Variants in ZNF536 observed in about 807,000 individuals in gnomAD.
ZNF536 encodes zinc finger protein 536.
A neutral mutation model predicts 84.5 loss-of-function variants in ZNF536; 13 were observed. The observed-to-expected ratio is 0.15, with a 90% CI of 0.10 to 0.24. The LOEUF (loss-of-function observed/expected upper bound fraction) is 0.24, where lower values mean the gene tolerates loss of function less well. Ranked by LOEUF, ZNF536 falls within the 10% of genes least tolerant of loss-of-function variation. The probability of loss-of-function intolerance (pLI) is 1.00; values close to 1 mark genes in which losing one functional copy is unlikely to be tolerated. For synonymous variants in ZNF536, 811 were observed against 742.5 expected (o/e 1.09, Z -1.50); for missense variants, 1,536 against 1,747.5 (o/e 0.88, Z 2.16).
At chr19:30,640,976 G>A (rs2147334961) in intron 1 of ZNF536, among the ~76,000 whole-genome samples, 1 of 152,282 alleles carries the variant, frequency 6.6e-6, no homozygotes, top group South Asian at 2.1e-4. Flanking sequence ...AAAACCCTAT[G>A]CAGCTGTACA....
intron 2 of ZNF536, among the ~76,000 whole-genome samples, chr19:30,496,092 C>T (rs975824243): frequency 2.6e-5 from 4 of 152,120 alleles, no homozygotes; most frequent in African/African-American, 9.7e-5. Flanking sequence ...ACTCTCCGGG[C>T]GTTCCTGGGG....
chr19:30,617,058 C>A (rs2048321361), intron 1 of ZNF536, among the ~76,000 whole-genome samples: 1 of 151,926 alleles, frequency 6.6e-6, no homozygotes, highest in African/African-American at 2.4e-5. Context: ...TCCTCGTTTT[C>A]TATATTGTGA....
At position 30,439,957 on chromosome 19, in the gene ZNF536, TTC is replaced by T. The variant is rs1204489243; in HGVS notation, c.-2-3602_-2-3601del. ...CTTTCTTTCTTTTCTTTTTCTTTCT[TTC>T]TTTTTTTTTTTTTTTTTTTTTGACA... On this transcript the variant is annotated intron_variant, in intron 1 of 4. Coordinates refer to ENST00000355537, the MANE Select transcript of ZNF536 (RefSeq NM_014717.3). Among the ~76,000 whole-genome samples, 56 of 127,100 alleles carry T rather than the reference TTC, an allele frequency of 4.4e-4. 1 individual carries two copies. The highest frequency in any genetic ancestry group is 1.6e-3 in the African/African-American group (56 of 34,340). 83.4% of individuals were successfully genotyped at this position (127,100 alleles called of 152,430 possible).
At chr19:30,312,501 G>C (rs991740720) in intron 2 of ZNF536, among the ~76,000 whole-genome samples, 2 of 152,144 alleles carry the variant, frequency 1.3e-5, no homozygotes, top group African/African-American at 4.8e-5. Context: ...CTTTTTTCTA[G>C]TTAAGTCAGA....
chr19:30,447,282 A>C (rs893177923), intron 2 of ZNF536, among the ~76,000 whole-genome samples: 2 of 152,154 alleles, frequency 1.3e-5, no homozygotes, highest in Non-Finnish European at 2.9e-5. Context: ...AGTAGATGCC[A>C]GTTTTAGCTT....
intron 1 of ZNF536, among the ~76,000 whole-genome samples, chr19:30,692,191 C>T (rs908926915): frequency 2.0e-5 from 3 of 152,236 alleles, no homozygotes; most frequent in African/African-American, 7.2e-5. Flanking sequence ...AGAAACCCTG[C>T]AGTCTGTCAG....
At chr19:30,524,118 C>G (rs147323236) in intron 2 of ZNF536, among the ~76,000 whole-genome samples, 1 of 152,276 alleles carries the variant, frequency 6.6e-6, no homozygotes, top group African/African-American at 2.4e-5. Flanking sequence ...GCCTCCATGC[C>G]GCCCTAATAG....
At chr19:30,415,488 T>C (rs984711547) in intron 1 of ZNF536, among the ~76,000 whole-genome samples, 1 of 151,692 alleles carries the variant, frequency 6.6e-6, no homozygotes, top group Non-Finnish European at 1.5e-5. Context: ...GTGAATTCTT[T>C]TTTCCAGAAA....
chr19:30,339,397 C>T (rs1291055772), intron 2 of ZNF536, among the ~76,000 whole-genome samples: 4 of 152,182 alleles, frequency 2.6e-5, no homozygotes, highest in African/African-American at 4.8e-5. Context: ...ACTGACCCCA[C>T]CCGAGGAGCC....
intron 1 of ZNF536, among the ~76,000 whole-genome samples, chr19:30,262,376 ACT>A (rs1219262292): frequency 6.6e-6 from 1 of 152,130 alleles, no homozygotes; most frequent in Non-Finnish European, 1.5e-5. Context: ...GTACCTTGTA[ACT>A]CTGGGCTGAT....
intron 3 of ZNF536, among the ~76,000 whole-genome samples, chr19:30,354,867 G>C (rs1187892518): frequency 6.6e-6 from 1 of 152,198 alleles, no homozygotes. Flanking sequence ...TCCTGCCCCA[G>C]GTAGTCTGGA....
intron 2 of ZNF536, among the ~76,000 whole-genome samples, chr19:30,466,265 G>A (rs1278578255): frequency 6.6e-6 from 1 of 151,682 alleles, no homozygotes; most frequent in Non-Finnish European, 1.5e-5. Context: ...TTTTAGGCTG[G>A]ACACCATGGC....
At chr19:30,643,003 T>C (rs1374307985) in intron 1 of ZNF536, among the ~76,000 whole-genome samples, 1 of 152,236 alleles carries the variant, frequency 6.6e-6, no homozygotes, top group Non-Finnish European at 1.5e-5. Context: ...AGAAACATTG[T>C]TCAAAAGTCA....
At chr19:30,437,769 C>T (rs1376438345) in intron 1 of ZNF536, among the ~76,000 whole-genome samples, 1 of 152,194 alleles carries the variant, frequency 6.6e-6, no homozygotes, top group Non-Finnish European at 1.5e-5. Context: ...TTTACAGTGG[C>T]CTTTAACTGT....
At chr19:30,302,762 A>G (rs990823268) in intron 2 of ZNF536, among the ~76,000 whole-genome samples, 2 of 151,824 alleles carry the variant, frequency 1.3e-5, no homozygotes, top group African/African-American at 2.4e-5. Context: ...CCCCATCCCA[A>G]TCCTCCAGAT....
At position 30,654,108 on chromosome 19, in the gene ZNF536, G is replaced by A. The variant is rs1447927816; in HGVS notation, c.170-56649G>A. Among the ~76,000 whole-genome samples the A allele has an allele frequency of 3.9e-5, 6 of 152,228 alleles. No individual in the cohort carries two copies. In the South Asian group the frequency reaches 8.3e-4, roughly 21 times the overall value. On this transcript the variant is annotated intron_variant, in intron 1 of 1. Transcript: ENST00000592773. ...GTCTTGAGATCCTCCCCTCCCTGTC[G>A]CCGACGCTCCTTTGAAACAAGCGGG...
intron 2 of ZNF536, among the ~76,000 whole-genome samples, chr19:30,476,815 G>A (rs1037642053): frequency 9.2e-5 from 14 of 152,106 alleles, no homozygotes; most frequent in African/African-American, 4.8e-5. Flanking sequence ...GAACTTCTCC[G>A]GTCTCACTGG....
intron 1 of ZNF536, among the ~76,000 whole-genome samples, chr19:30,375,732 C>G (rs1255488014): frequency 2.0e-5 from 3 of 152,182 alleles, no homozygotes; most frequent in Admixed American, 6.5e-5. Flanking sequence ...CAAATAGATG[C>G]GTGTGTGATC....
At chr19:30,603,217 C>T (rs940904749) in intron 1 of ZNF536, among the ~76,000 whole-genome samples, 8 of 152,148 alleles carry the variant, frequency 5.3e-5, no homozygotes, top group African/African-American at 1.9e-4. Flanking sequence ...TCCCCGAATC[C>T]CCCAGGTCTG....
Sources: allele counts gnomAD v4.1 joint callset (sites outside exome capture counted in the v4.1 genomes callset), GRCh38; gene constraint gnomAD v4.1.1; transcripts MANE v1.5; gene names NCBI Gene and HGNC (gene_info 2026-07-23, HGNC 2026-07-21).